The following DDX60L variants were observed in gnomAD, a reference collection of about 807,000 sequenced individuals.
DDX60L encodes DExD/H-box 60 like.
A neutral mutation model predicts 211.6 loss-of-function variants in DDX60L; 191 were observed. The ratio of observed to expected loss-of-function variants is 0.90; its 90% CI spans 0.80 to 1.02. The LOEUF is 1.02. Ranked by LOEUF, DDX60L falls within the 50% of genes least tolerant of loss-of-function variation. The probability of loss-of-function intolerance (pLI) is 0.00; values close to 1 mark genes in which losing one functional copy is unlikely to be tolerated. For missense variants in DDX60L, 2,007 were observed against 1,984.1 expected, an observed-to-expected ratio of 1.01 and a Z score of -0.22; for synonymous variants, 706 against 694.1, an observed-to-expected ratio of 1.02 and a Z score of -0.27.
chr4:168,368,791 G>C (rs1740440116), intron 36 of DDX60L, among the ~76,000 whole-genome samples: 1 of 152,222 alleles, frequency 6.6e-6, no homozygotes, highest in Admixed American at 6.5e-5. Flanking sequence ...GGAGTCAAAA[G>C]AGATCATTTT....
intron 10 of DDX60L, among the ~76,000 whole-genome samples, chr4:168,439,420 A>C (rs757439231): frequency 1.3e-5 from 2 of 152,038 alleles, no homozygotes; most frequent in Non-Finnish European, 2.9e-5. Context: ...CTGCAACTTC[A>C]GCTCATGCCC....
chr4:168,439,497 A>G (rs1278928423), intron 10 of DDX60L, among the ~76,000 whole-genome samples: 6 of 152,126 alleles, frequency 3.9e-5, no homozygotes, highest in Admixed American at 6.6e-5. Flanking sequence ...GCCAGTCCCT[A>G]TAATCAGGTA....
intron 29 of DDX60L, 139 bp from the exon 30 acceptor site, chr4:168,384,951 T>G: frequency 5.6e-6 from 5 of 885,632 alleles, no homozygotes; most frequent in Non-Finnish European, 8.7e-6. Flanking sequence ...TATGTTAACA[T>G]GGCACTTAAA....
At chr4:168,416,868 C>T (rs539717903) in intron 19 of DDX60L, 71 bp from the exon 20 acceptor site, 7 of 807,954 alleles carry the variant, frequency 8.7e-6, no homozygotes, top group African/African-American at 6.9e-5. Context: ...AGCATAAAAT[C>T]ATCATGCATA....
At chr4:168,447,594 A>G (rs1755017145) in intron 9 of DDX60L, among the ~76,000 whole-genome samples, 2 of 151,966 alleles carry the variant, frequency 1.3e-5, no homozygotes, top group South Asian at 2.1e-4. Context: ...TTATTGTGGC[A>G]TTATTCACAA....
chr4:168,371,296 A>G (rs1163329001), intron 36 of DDX60L, among the ~76,000 whole-genome samples: 2 of 150,258 alleles, frequency 1.3e-5, no homozygotes, highest in African/African-American at 2.4e-5. Flanking sequence ...CTTCAGAATT[A>G]CATTCACCAG....
At position 168,357,803 on chromosome 4, in the gene DDX60L, C is replaced by A; in HGVS notation, c.*344G>T. ...ACTTGGGGATGTATTGAAAACTTGA[C>A]AATGTGAAACTAATTTTGCTATACA... On this transcript the variant is annotated 3_prime_UTR_variant, in exon 38 of 38. Transcript: ENST00000682922. 5.9e-6 allele frequency: 1 copy of A among 168,482 alleles called. No homozygotes were observed. The highest frequency in any genetic ancestry group is 1.3e-5 in the Non-Finnish European group (1 of 78,894). The allele number at this position is 168,482 out of a possible 1,614,324, so 10.4% of individuals were successfully genotyped here.
chr4:168,448,527 A>G, intron 9 of DDX60L, 111 bp downstream of exon 9: 3 of 760,122 alleles, frequency 3.9e-6, no homozygotes, highest in Non-Finnish European at 6.3e-6. Flanking sequence ...GTATGTACAC[A>G]CACAAAGGTT....
At chr4:168,367,249 T>C (rs1318913167) in intron 36 of DDX60L, among the ~76,000 whole-genome samples, 2 of 152,164 alleles carry the variant, frequency 1.3e-5, no homozygotes. Flanking sequence ...AATTACCACA[T>C]GTCGTGGGAG....
intron 34 of DDX60L, among the ~76,000 whole-genome samples, chr4:168,374,642 C>T (rs890770444): frequency 4.6e-5 from 7 of 152,152 alleles, no homozygotes; most frequent in African/African-American, 4.8e-5. Flanking sequence ...GGAAAGTTAA[C>T]GTGACTAAAG....
At position 168,439,357 on chromosome 4, in the gene DDX60L, C is replaced by T. The variant is rs565815889; in HGVS notation, c.1294+1980G>A. ...GAGCCTGATCCAATCATCTCAAAGT[C>T]CCTGAGTGCAGAATTGAGGTTTCCC... On this transcript the variant is annotated intron_variant, in intron 10 of 37. Transcript: ENST00000682922. 6.6e-5 allele frequency among the ~76,000 whole-genome samples: 10 copies of T among 152,104 alleles called. No homozygotes were observed. The East Asian group carries it at 1.9e-3, about 29-fold the overall frequency.
intron 29 of DDX60L, among the ~76,000 whole-genome samples, chr4:168,385,738 G>C (rs1478711458): frequency 1.3e-5 from 2 of 152,220 alleles, no homozygotes; most frequent in African/African-American, 2.4e-5. Context: ...TGTGTTGATT[G>C]TAGTGATTAT....
intron 1 of DDX60L, 101 bp from the exon 2 acceptor site, chr4:168,472,910 T>A: frequency 1.8e-6 from 1 of 559,398 alleles, no homozygotes; most frequent in East Asian, 3.0e-5. Context: ...GTCTAGTAAA[T>A]AAGCAAAGAT....
chr4:168,370,064 T>C (rs546340905), intron 36 of DDX60L, among the ~76,000 whole-genome samples: 27 of 152,162 alleles, frequency 1.8e-4, no homozygotes, highest in Non-Finnish European at 3.1e-4. Context: ...GCAATCCCAC[T>C]ACTAGATATA....
Position 168,439,230 on chromosome 4 carries a change from A to G in DDX60L, c.1294+2107T>C, listed in dbSNP as rs1753484246. Among the ~76,000 whole-genome samples the G allele has an allele frequency of 2.0e-5, 3 of 152,306 alleles. No homozygotes were observed. The South Asian group carries it at 6.2e-4, about 32-fold the overall frequency. On this transcript the variant is annotated intron_variant, in intron 10 of 37. Transcript: ENST00000682922. ...ACTATAGTTCCCTAGTTATCCAATC[A>G]AACATGAATCTGGATGTTGTTGTAA...
intron 29 of DDX60L, among the ~76,000 whole-genome samples, chr4:168,385,583 G>A (rs1489108858): frequency 6.6e-6 from 1 of 152,122 alleles, no homozygotes; most frequent in East Asian, 1.9e-4. Context: ...GTCTGAAGAG[G>A]AGGCAGTCTT....
chr4:168,440,499 C>T (rs1450388791), intron 10 of DDX60L, among the ~76,000 whole-genome samples: 1 of 152,082 alleles, frequency 6.6e-6, no homozygotes, highest in East Asian at 1.9e-4. Context: ...GCAAGTACCC[C>T]CTCCTCAGTT....
intron 10 of DDX60L, among the ~76,000 whole-genome samples, chr4:168,435,750 A>AT (rs558892252): frequency 6.6e-6 from 1 of 151,934 alleles, no homozygotes; most frequent in Admixed American, 6.6e-5. Flanking sequence ...TCCGGAAGAA[A>AT]TTTTTTTCTT....
intron 17 of DDX60L, 74 bp from the exon 18 acceptor site, chr4:168,420,454 CCATACA>C (rs879135039): frequency 7.9e-5 from 59 of 744,160 alleles, no homozygotes; most frequent in Admixed American, 3.9e-4. Context: ...ACAACCGAAT[CCATACA>C]CATACACACA....
Sources: allele counts gnomAD v4.1 joint callset (sites outside exome capture counted in the v4.1 genomes callset), GRCh38; gene constraint gnomAD v4.1.1; transcripts MANE v1.5; gene names NCBI Gene and HGNC (gene_info 2026-07-23, HGNC 2026-07-21).